The following DMD variants were observed in gnomAD, a reference collection of about 807,000 sequenced individuals.
The protein encoded by DMD is dystrophin.
A neutral mutation model predicts 330.1 loss-of-function variants in DMD; 63 were observed. The ratio of observed to expected loss-of-function variants is 0.19; its 90% CI spans 0.16 to 0.24. DMD has a LOEUF of 0.24. DMD is among the 10% of genes least tolerant of loss of function. The pLI is 1.00. For missense variants in DMD, 3,344 were observed against 2,684.1 expected (o/e 1.25, Z -5.43); for synonymous variants, 1,223 against 959.8 (o/e 1.27, Z -5.07).
intron 9 of DMD, among the ~76,000 whole-genome samples, chrX:32,666,345 T>C (rs1054510088): frequency 1.8e-5 from 2 of 110,540 alleles, no homozygotes; most frequent in Non-Finnish European, 3.8e-5. Flanking sequence ...ATCCTAATGC[T>C]CTCCCTACCC....
At chrX:31,207,244 AAAC>A (rs757102500) in intron 65 of DMD, among the ~76,000 whole-genome samples, 5 of 112,148 alleles carry the variant, frequency 4.5e-5, no homozygotes, top group East Asian at 2.8e-4. Flanking sequence ...ATACTCTATT[AAAC>A]AACATTCAAA....
rs145671971 is a variant in DMD at position 32,574,430 on chromosome X, A to C, written c.1603-584T>G. The stretch of plus-strand genomic sequence containing the variant: ...GAGAAAACTAACAATCTCTGAGTAA[A>C]AACTACTATATCATTAACATGTCAC... On this transcript the variant is annotated intron_variant, in intron 13 of 78. Coordinates refer to ENST00000357033, the MANE Select transcript of DMD (RefSeq NM_004006.3). Among the ~76,000 whole-genome samples, 515 of 112,004 alleles carry C rather than the reference A, an allele frequency of 4.6e-3. 7 individuals are homozygous for C. Among genetic ancestry groups the C allele is most frequent in the East Asian group, 0.043 (152 of 3,552 alleles).
At chrX:31,363,674 G>A (rs958763153) in intron 60 of DMD, among the ~76,000 whole-genome samples, 2 of 111,824 alleles carry the variant, frequency 1.8e-5, no homozygotes, top group East Asian at 2.8e-4. Context: ...CACCGTGCCC[G>A]GCCAAGACAT....
At chrX:31,627,162 C>T (rs746543181) in intron 55 of DMD, among the ~76,000 whole-genome samples, 6 of 112,420 alleles carry the variant, frequency 5.3e-5, no homozygotes, top group Admixed American at 9.4e-5. Context: ...TCATTAACTA[C>T]GACAAATTCA....
intron 1 of DMD, among the ~76,000 whole-genome samples, chrX:33,048,106 A>T (rs912801666): frequency 3.7e-4 from 42 of 112,442 alleles, no homozygotes; most frequent in African/African-American, 1.3e-3. Context: ...TTGTTAAGAA[A>T]CATAGAATTC....
Position 33,120,924 on chromosome X carries a change from T to C in DMD, c.31+90358A>G, listed in dbSNP as rs1028742345. Reference sequence around the variant, plus strand: ...AAAAAAAGACTTTTTAAAGGGGTTATTATTAGGGGCTATATACTGGATCTT... The same window carrying C: ...AAAAAAAGACTTTTTAAAGGGGTTACTATTAGGGGCTATATACTGGATCTT... On this transcript the variant is annotated intron_variant, in intron 1 of 78. Transcript: ENST00000357033. Among the ~76,000 whole-genome samples the C allele has an allele frequency of 5.5e-4, 59 of 107,441 alleles. 1 individual carries two copies. The highest frequency in any genetic ancestry group is 6.5e-4 in the Non-Finnish European group (34 of 52,045). 93.3% of individuals were successfully genotyped at this position (107,441 alleles called of 115,157 possible). A position where few individuals can be genotyped will look rare whatever the true frequency, so the allele number is the denominator to read the frequency against.
chrX:32,594,039 C>T (rs2055237122), intron 13 of DMD, among the ~76,000 whole-genome samples: 1 of 112,372 alleles, frequency 8.9e-6, no homozygotes, highest in Non-Finnish European at 1.9e-5. Context: ...TATATTCTGA[C>T]CTGTCTTTGG....
chrX:32,878,487 T>C (rs778588548), intron 2 of DMD, among the ~76,000 whole-genome samples: 1 of 112,212 alleles, frequency 8.9e-6, no homozygotes, highest in African/African-American at 3.2e-5. Flanking sequence ...TTATAATCCA[T>C]TAACACAATA....
At chrX:32,820,435 C>T (rs746892476) in intron 5 of DMD, among the ~76,000 whole-genome samples, 1 of 110,826 alleles carries the variant, frequency 9.0e-6, no homozygotes, top group Non-Finnish European at 1.9e-5. Context: ...GAGCGAGACT[C>T]TGTCTCAAAA....
At chrX:32,471,182 G>A (rs2040596054) in intron 22 of DMD, among the ~76,000 whole-genome samples, 1 of 111,420 alleles carries the variant, frequency 9.0e-6, no homozygotes, top group African/African-American at 3.3e-5. Context: ...GGAGGCTAAG[G>A]CAGGAGAATC....
chrX:32,071,161 A>G (rs952118350), intron 44 of DMD, among the ~76,000 whole-genome samples: 1 of 110,685 alleles, frequency 9.0e-6, no homozygotes, highest in Non-Finnish European at 1.9e-5. Flanking sequence ...ATGATTTATA[A>G]TCCTTTGGGT....
intron 64 of DMD, among the ~76,000 whole-genome samples, chrX:31,220,863 A>G (rs1320869913): frequency 2.9e-5 from 3 of 103,380 alleles, no homozygotes; most frequent in Non-Finnish European, 5.9e-5. Flanking sequence ...TGAATTCGTA[A>G]ACTTTCCTAA....
intron 11 of DMD, among the ~76,000 whole-genome samples, chrX:32,619,751 G>A (rs887149877): frequency 9.0e-6 from 1 of 111,704 alleles, no homozygotes; most frequent in Admixed American, 9.5e-5. Context: ...ACACATTTAT[G>A]TGAAGGGTCG....
At chrX:33,102,415 T>C (rs2095248744) in intron 1 of DMD, among the ~76,000 whole-genome samples, 1 of 110,502 alleles carries the variant, frequency 9.0e-6, no homozygotes, top group African/African-American at 3.3e-5. Flanking sequence ...CAATGTTATT[T>C]GACAAAGTTC....
At chrX:32,351,040 A>G (rs2097780017) in intron 37 of DMD, among the ~76,000 whole-genome samples, 1 of 111,240 alleles carries the variant, frequency 9.0e-6, no homozygotes, top group Non-Finnish European at 1.9e-5. Context: ...TCTTTATAAC[A>G]TGGAGATAAG....
chrX:31,647,655 G>C (rs1465927368), intron 54 of DMD, among the ~76,000 whole-genome samples: 3 of 111,905 alleles, frequency 2.7e-5, no homozygotes, highest in African/African-American at 9.7e-5. Context: ...CAATATAAAA[G>C]AAAAAGGCAA....
At chrX:32,849,965 G>T in intron 2 of DMD, 145 bp from the exon 3 acceptor site, 2 of 505,939 alleles carry the variant, frequency 4.0e-6, no homozygotes, top group African/African-American at 2.4e-5. Flanking sequence ...GATGAAAAAA[G>T]GAAAGTTCAA....
At chrX:32,658,095 C>G (rs775226383) in intron 9 of DMD, among the ~76,000 whole-genome samples, 4 of 111,504 alleles carry the variant, frequency 3.6e-5, no homozygotes, top group African/African-American at 9.7e-5. Context: ...ATTGCATATA[C>G]AAATTAATTG....
At chrX:33,045,844 T>C (rs1177572460) in intron 1 of DMD, among the ~76,000 whole-genome samples, 1 of 111,416 alleles carries the variant, frequency 9.0e-6, no homozygotes, top group Non-Finnish European at 1.9e-5. Context: ...TCATCAGGTT[T>C]GTGATAAGCA....
Sources: gnomAD v4.1 joint callset for allele counts (sites outside exome capture counted in the v4.1 genomes callset) on GRCh38, gnomAD v4.1.1 for gene constraint, MANE v1.5 for transcripts, NCBI Gene and HGNC (gene_info 2026-07-23, HGNC 2026-07-21) for gene names.